Variants in HDAC8 observed in about 807,000 individuals in gnomAD.
HDAC8 encodes the protein histone deacetylase 8, also known as histone deacetylase-like 1.
In HDAC8, 1 loss-of-function variant was observed where a neutral mutation model predicts 32.2. The observed-to-expected ratio is 0.03, with a 90% CI of 0.01 to 0.15. HDAC8 has a LOEUF of 0.15. Among genes scored for constraint, HDAC8 ranks in the 10% least tolerant of loss-of-function variants. HDAC8 has a pLI of 1.00. For missense variants in HDAC8, 117 were observed against 300.0 expected (o/e 0.39, Z 4.51); for synonymous variants, 108 against 113.9 (o/e 0.95, Z 0.33).
chrX:72,391,801 G>A (rs1176205280), intron 9 of HDAC8, among the ~76,000 whole-genome samples: 1 of 110,961 alleles, frequency 9.0e-6, no homozygotes, highest in Non-Finnish European at 1.9e-5. Context: ...GAACCCTTCT[G>A]ACACCTCCTG....
intron 9 of HDAC8, among the ~76,000 whole-genome samples, chrX:72,438,718 T>C (rs1225270810): frequency 2.7e-5 from 3 of 110,211 alleles, no homozygotes; most frequent in Admixed American, 1.9e-4. Flanking sequence ...ATATCAGAGA[T>C]TGAAGATCAA....
At chrX:72,345,113 C>T (rs901282015) in intron 10 of HDAC8, among the ~76,000 whole-genome samples, 1 of 111,562 alleles carries the variant, frequency 9.0e-6, no homozygotes, top group African/African-American at 3.3e-5. Flanking sequence ...GTCTTAAACA[C>T]CTCGTATATC....
chrX:72,371,493 A>G (rs1363524760), intron 9 of HDAC8, among the ~76,000 whole-genome samples: 3 of 111,563 alleles, frequency 2.7e-5, no homozygotes, highest in African/African-American at 9.8e-5. Flanking sequence ...ACTTTTGGGA[A>G]CTAGGAAGTC....
At chrX:72,430,400 C>A (rs1167562436) in intron 9 of HDAC8, among the ~76,000 whole-genome samples, 1 of 112,550 alleles carries the variant, frequency 8.9e-6, no homozygotes, top group Non-Finnish European at 1.9e-5. Context: ...CTCCTTGAAA[C>A]GCCGTCTAGA....
At chrX:72,346,264 A>G (rs2044025363) in intron 10 of HDAC8, among the ~76,000 whole-genome samples, 1 of 111,901 alleles carries the variant, frequency 8.9e-6, no homozygotes, top group African/African-American at 3.2e-5. Flanking sequence ...TGGCTCAGGT[A>G]TCCTCCAAAA....
At chrX:72,365,220 G>A (rs1485698232) in intron 9 of HDAC8, among the ~76,000 whole-genome samples, 1 of 111,889 alleles carries the variant, frequency 8.9e-6, no homozygotes, top group Non-Finnish European at 1.9e-5. Flanking sequence ...TTCTCAAAAA[G>A]TTCTGGATTT....
At chrX:72,483,571 T>A (rs1271661636) in intron 7 of HDAC8, among the ~76,000 whole-genome samples, 1 of 111,278 alleles carries the variant, frequency 9.0e-6, no homozygotes, top group African/African-American at 3.3e-5. Context: ...TAACCTCTTA[T>A]TATTTATAAA....
chrX:72,535,966 T>A (rs1227259185), intron 4 of HDAC8, among the ~76,000 whole-genome samples: 1 of 112,171 alleles, frequency 8.9e-6, no homozygotes, highest in African/African-American at 3.2e-5. Context: ...GGTATAATGA[T>A]CTAGGGAAGG....
At chrX:72,542,133 C>T (rs1411500555) in intron 4 of HDAC8, among the ~76,000 whole-genome samples, 3 of 112,363 alleles carry the variant, frequency 2.7e-5, no homozygotes, top group African/African-American at 9.7e-5. Flanking sequence ...AAGTGCTATC[C>T]TTTCTTTTCA....
intron 4 of HDAC8, among the ~76,000 whole-genome samples, chrX:72,516,379 C>T (rs1422575270): frequency 9.1e-6 from 1 of 110,022 alleles, no homozygotes; most frequent in African/African-American, 3.3e-5. Context: ...AGCTGAGGCT[C>T]ATATTTAAAT....
At chrX:72,535,520 CA>C (rs1482157622) in intron 4 of HDAC8, among the ~76,000 whole-genome samples, 1 of 108,230 alleles carries the variant, frequency 9.2e-6, no homozygotes, top group African/African-American at 3.4e-5. Flanking sequence ...TATGGTGCTA[CA>C]AAAAAAAACA....
intron 7 of HDAC8, among the ~76,000 whole-genome samples, chrX:72,472,319 G>A (rs1464891195): frequency 4.9e-4 from 54 of 110,778 alleles, no homozygotes; most frequent in Middle Eastern, 4.7e-3. Context: ...CGCCCGCCTC[G>A]GCCTCCCAAA....
At chrX:72,488,816 T>TTA in intron 7 of HDAC8, 117 bp downstream of exon 7, 1 of 410,058 alleles carries the variant, frequency 2.4e-6, no homozygotes, top group Non-Finnish European at 4.2e-6. Context: ...TACAAAAGCT[T>TTA]TATAGGTATA....
chrX:72,437,729 G>C (rs2046994093), intron 9 of HDAC8, among the ~76,000 whole-genome samples: 1 of 112,128 alleles, frequency 8.9e-6, no homozygotes, highest in African/African-American at 3.2e-5. Context: ...CCTCTGGGAA[G>C]TTTGAACTGG....
chrX:72,351,168 T>A (rs2044169558), intron 10 of HDAC8: 1 of 168,717 alleles, frequency 5.9e-6, no homozygotes, highest in Non-Finnish European at 1.1e-5. Flanking sequence ...GGTGTGGGCA[T>A]GGCTCACTGC....
intron 9 of HDAC8, among the ~76,000 whole-genome samples, chrX:72,406,225 CTTTA>C (rs1555968731): frequency 9.0e-6 from 1 of 111,454 alleles, no homozygotes; most frequent in Non-Finnish European, 1.9e-5. Flanking sequence ...ACTAGGTCTA[CTTTA>C]TTTATTTATT....
chrX:72,474,363 G>C, intron 7 of HDAC8: 3 of 824,113 alleles, frequency 3.6e-6, no homozygotes, highest in Non-Finnish European at 4.4e-6. Context: ...TTTATACATA[G>C]TAGGCATTCA....
intron 9 of HDAC8, among the ~76,000 whole-genome samples, chrX:72,437,572 A>G (rs1266167380): frequency 8.9e-6 from 1 of 111,973 alleles, no homozygotes; most frequent in African/African-American, 3.2e-5. Context: ...CACAGAGCCC[A>G]GCAATCTAAG....
chrX:72,399,104 C>A (rs948066858), intron 9 of HDAC8, among the ~76,000 whole-genome samples: 1 of 111,651 alleles, frequency 9.0e-6, no homozygotes, highest in Non-Finnish European at 1.9e-5. Flanking sequence ...AGTTGAGAAC[C>A]ACTGAACTAT....
Sources: gnomAD v4.1 joint callset for allele counts (sites outside exome capture counted in the v4.1 genomes callset) on GRCh38, gnomAD v4.1.1 for gene constraint, MANE v1.5 for transcripts, NCBI Gene and HGNC (gene_info 2026-07-23, HGNC 2026-07-21) for gene names.